The following ARHGAP20 variants were observed in gnomAD, a reference collection of about 807,000 sequenced individuals.
ARHGAP20 encodes the protein Rho GTPase activating protein 20.
ARHGAP20 carries 34 observed loss-of-function variants against 73.7 expected under a neutral mutation model. The ratio of observed to expected loss-of-function variants is 0.46; its 90% confidence interval spans 0.35 to 0.61. The LOEUF (loss-of-function observed/expected upper bound fraction) is 0.61, where lower values mean the gene tolerates loss of function less well. Among genes scored for constraint, ARHGAP20 ranks in the 20% least tolerant of loss-of-function variants. The pLI is 0.00. For synonymous variants in ARHGAP20, 523 were observed against 518.2 expected, an observed-to-expected ratio of 1.01 and a Z score of -0.13; for missense variants, 1,314 against 1,420.9, an observed-to-expected ratio of 0.92 and a Z score of 1.21.
At chr11:110,591,608 G>A (rs550296259) in intron 10 of ARHGAP20, among the ~76,000 whole-genome samples, 3 of 152,240 alleles carry the variant, frequency 2.0e-5, no homozygotes, top group East Asian at 1.9e-4. Context: ...TAAATAAAAC[G>A]GATTTAAAAA....
intron 9 of ARHGAP20, among the ~76,000 whole-genome samples, chr11:110,604,094 CACTT>C (rs1197273615): frequency 6.6e-6 from 1 of 152,046 alleles, no homozygotes; most frequent in East Asian, 1.9e-4. Flanking sequence ...TGTTATGTAA[CACTT>C]ACATAATATC....
chr11:110,613,709 T>A (rs1451349345), intron 6 of ARHGAP20, among the ~76,000 whole-genome samples: 2 of 152,106 alleles, frequency 1.3e-5, no homozygotes, highest in Non-Finnish European at 2.9e-5. Flanking sequence ...TCTCATACTA[T>A]AAAAATTTGA....
intron 6 of ARHGAP20, among the ~76,000 whole-genome samples, chr11:110,611,625 G>A (rs1948368968): frequency 6.6e-6 from 1 of 152,052 alleles, no homozygotes; most frequent in African/African-American, 2.4e-5. Flanking sequence ...GAATATAAAA[G>A]CTTAAGCAAA....
intron 1 of ARHGAP20, chr11:110,711,756 C>A: frequency 7.3e-7 from 1 of 1,361,284 alleles, no homozygotes; most frequent in Non-Finnish European, 9.4e-7. Context: ...CAGGCCACTT[C>A]GGGAGGCCCA....
intron 2 of ARHGAP20, among the ~76,000 whole-genome samples, chr11:110,637,025 A>T (rs1948982571): frequency 6.6e-6 from 1 of 152,050 alleles, no homozygotes; most frequent in African/African-American, 2.4e-5. Context: ...CTTGCTTTTT[A>T]TGTATTAACA....
intron 2 of ARHGAP20, among the ~76,000 whole-genome samples, chr11:110,687,231 C>T (rs1407395765): frequency 1.3e-5 from 2 of 151,304 alleles, no homozygotes; most frequent in African/African-American, 4.9e-5. Flanking sequence ...TCATCATGCC[C>T]GGCTAATTTT....
At chr11:110,690,690 T>C in intron 1 of ARHGAP20, 61 bp from the exon 2 acceptor site, 1 of 1,522,290 alleles carries the variant, frequency 6.6e-7, no homozygotes. Context: ...CAATGTTGAT[T>C]TTTTTTTAAA....
At chr11:110,661,335 G>A (rs1949607477) in intron 2 of ARHGAP20, among the ~76,000 whole-genome samples, 8 of 152,094 alleles carry the variant, frequency 5.3e-5, no homozygotes. Flanking sequence ...AAAACAGCAG[G>A]AGGACAAGAA....
intron 9 of ARHGAP20, among the ~76,000 whole-genome samples, chr11:110,594,826 G>A (rs1428067263): frequency 5.4e-5 from 7 of 130,308 alleles, no homozygotes; most frequent in African/African-American, 7.5e-5. Context: ...GCCTGGCAGA[G>A]ACACAACAAA....
intron 2 of ARHGAP20, among the ~76,000 whole-genome samples, chr11:110,644,634 T>C (rs985572269): frequency 2.6e-5 from 4 of 152,004 alleles, no homozygotes; most frequent in Non-Finnish European, 5.9e-5. Flanking sequence ...TATCTCCCTA[T>C]AAAAAAATTA....
intron 2 of ARHGAP20, among the ~76,000 whole-genome samples, chr11:110,641,216 G>GA (rs1324078277): frequency 6.6e-6 from 1 of 151,994 alleles, no homozygotes; most frequent in Admixed American, 6.6e-5. Flanking sequence ...AGTAAAGACA[G>GA]AATAGAAAGA....
At chr11:110,681,799 C>T (rs766976243) in intron 2 of ARHGAP20, among the ~76,000 whole-genome samples, 11 of 152,268 alleles carry the variant, frequency 7.2e-5, no homozygotes, top group Middle Eastern at 3.4e-3. Flanking sequence ...TGGCTGCTTT[C>T]CTAATTACAA....
intron 6 of ARHGAP20, among the ~76,000 whole-genome samples, chr11:110,612,581 A>G (rs748041953): frequency 1.3e-5 from 2 of 152,208 alleles, no homozygotes; most frequent in Non-Finnish European, 2.9e-5. Flanking sequence ...TTTACACATG[A>G]GAATTATAAG....
chr11:110,686,700 G>A (rs1444110808), intron 2 of ARHGAP20, among the ~76,000 whole-genome samples: 1 of 151,956 alleles, frequency 6.6e-6, no homozygotes, highest in Non-Finnish European at 1.5e-5. Flanking sequence ...TAGCTCTCAT[G>A]TTAAGTGTTC....
At position 110,584,972 on chromosome 11, in the gene ARHGAP20, A is replaced by AATATATGAATAT. The variant is rs1555082421; in HGVS notation, c.1416-1236_1416-1235insATATTCATATAT. 2.7e-5 allele frequency among the ~76,000 whole-genome samples: 4 copies of AATATATGAATAT among 145,950 alleles called. No homozygotes were observed. In the South Asian group the frequency reaches 8.5e-4, roughly 31 times the overall value. ...ATATATGAATATATGTGAATATATG[A>AATATATGAATAT]ATATATATGTGAAAATATATATGAA... On this transcript the variant is annotated intron_variant, in intron 12 of 14. Transcript: ENST00000683387.
chr11:110,629,204 G>C (rs748683913), intron 3 of ARHGAP20, among the ~76,000 whole-genome samples: 4 of 152,038 alleles, frequency 2.6e-5, no homozygotes, highest in Non-Finnish European at 5.9e-5. Flanking sequence ...TGAGTACTGT[G>C]TGCTAAAAAA....
chr11:110,584,198 G>A (rs1391079053), intron 12 of ARHGAP20, among the ~76,000 whole-genome samples: 6 of 152,166 alleles, frequency 3.9e-5, no homozygotes, highest in Non-Finnish European at 8.8e-5. Context: ...TAGCTATCAA[G>A]ACGTCCAGGT....
chr11:110,616,675 C>T (rs1948490026), intron 4 of ARHGAP20, among the ~76,000 whole-genome samples: 1 of 147,970 alleles, frequency 6.8e-6, no homozygotes, highest in African/African-American at 2.5e-5. Context: ...GAAAGTGTAC[C>T]ACATTTTTTT....
At chr11:110,599,257 G>T (rs867914101) in intron 9 of ARHGAP20, among the ~76,000 whole-genome samples, 8 of 152,230 alleles carry the variant, frequency 5.3e-5, no homozygotes, top group Non-Finnish European at 1.2e-4. Context: ...TGCTACCATT[G>T]CCTGGCTTCT....
Sources: gnomAD v4.1 joint callset for allele counts (sites outside exome capture counted in the v4.1 genomes callset) on GRCh38, gnomAD v4.1.1 for gene constraint, MANE v1.5 for transcripts, NCBI Gene and HGNC (gene_info 2026-07-23, HGNC 2026-07-21) for gene names.